ZBTB44: variants seen among roughly 807,000 people sequenced by gnomAD.
The protein encoded by ZBTB44 is zinc finger and BTB domain containing 44, also known as zinc finger and BTB domain-containing protein 44.
Under a neutral mutation model 54.0 loss-of-function variants are expected in ZBTB44, and 15 were observed. The ratio of observed to expected loss-of-function variants is 0.28; its 90% CI spans 0.19 to 0.43. The LOEUF is 0.43. Among genes scored for constraint, ZBTB44 ranks in the 20% least tolerant of loss-of-function variants. The pLI is 1.00. For missense variants in ZBTB44, 487 were observed against 707.1 expected (o/e 0.69, Z 3.53); for synonymous variants, 230 against 250.1 (o/e 0.92, Z 0.76).
intron 1 of ZBTB44, among the ~76,000 whole-genome samples, chr11:130,276,335 T>C (rs1940094877): frequency 6.6e-6 from 1 of 151,782 alleles, no homozygotes; most frequent in Non-Finnish European, 1.5e-5. Flanking sequence ...ACATATACTC[T>C]ATTGTTGCTG....
intron 1 of ZBTB44, among the ~76,000 whole-genome samples, chr11:130,280,388 G>T (rs924173517): frequency 2.0e-5 from 3 of 151,982 alleles, no homozygotes; most frequent in African/African-American, 7.2e-5. Context: ...AGCTGAACTG[G>T]ATTAACTCAT....
chr11:130,241,540 T>C (rs1026477301), intron 2 of ZBTB44, among the ~76,000 whole-genome samples: 2 of 152,210 alleles, frequency 1.3e-5, no homozygotes, highest in African/African-American at 4.8e-5. Flanking sequence ...CCTCCCTCTT[T>C]TGTGAAATGC....
intron 2 of ZBTB44, among the ~76,000 whole-genome samples, chr11:130,247,598 AGG>A (rs1235316570): frequency 1.1e-4 from 16 of 152,236 alleles, no homozygotes; most frequent in Non-Finnish European, 1.9e-4. Flanking sequence ...CGATAATGAG[AGG>A]ATGAACATAG....
At chr11:130,251,588 C>T (rs760229275) in intron 2 of ZBTB44, among the ~76,000 whole-genome samples, 10 of 152,090 alleles carry the variant, frequency 6.6e-5, no homozygotes, top group East Asian at 3.9e-4. Context: ...AGACTAACAG[C>T]GGATCTCTCT....
intron 1 of ZBTB44, among the ~76,000 whole-genome samples, chr11:130,298,455 G>GT (rs996057514): frequency 0.015 from 1,695 of 116,320 alleles, 37 homozygotes; most frequent in East Asian, 0.13. Flanking sequence ...AAAAGTTGAA[G>GT]TTTTTTTTTT....
chr11:130,272,797 C>T (rs1939774715), intron 1 of ZBTB44, among the ~76,000 whole-genome samples: 1 of 151,632 alleles, frequency 6.6e-6, no homozygotes, highest in Admixed American at 6.6e-5. Context: ...TTTAGTTGTC[C>T]CAGTACCATC....
intron 1 of ZBTB44, among the ~76,000 whole-genome samples, chr11:130,300,654 G>A (rs1034281537): frequency 1.3e-5 from 2 of 152,304 alleles, no homozygotes; most frequent in Non-Finnish European, 2.9e-5. Context: ...GGTATTTCAA[G>A]GAGTGGTGAT....
chr11:130,311,701 G>A (rs1442546632), intron 1 of ZBTB44, among the ~76,000 whole-genome samples: 3 of 152,248 alleles, frequency 2.0e-5, no homozygotes, highest in South Asian at 2.1e-4. Context: ...CAGCAGCAAC[G>A]AATATGCCAA....
At chr11:130,243,289 AT>A (rs1312864839) in intron 2 of ZBTB44, among the ~76,000 whole-genome samples, 1 of 151,932 alleles carries the variant, frequency 6.6e-6, no homozygotes, top group African/African-American at 2.4e-5. Context: ...TGCTCTGGTA[AT>A]TTTTCGACTG....
intron 5 of ZBTB44, 72 bp from the exon 6 acceptor site, chr11:130,234,345 C>T: frequency 7.1e-7 from 1 of 1,412,632 alleles, no homozygotes; most frequent in Non-Finnish European, 9.4e-7. Flanking sequence ...CAGTAAAAAG[C>T]TCTGATTTAT....
intron 2 of ZBTB44, among the ~76,000 whole-genome samples, chr11:130,258,824 T>C (rs928359727): frequency 6.6e-6 from 1 of 152,184 alleles, no homozygotes; most frequent in Non-Finnish European, 1.5e-5. Flanking sequence ...TGGCAGTTTA[T>C]AAATATACAA....
intron 2 of ZBTB44, among the ~76,000 whole-genome samples, chr11:130,246,429 TCAGA>T (rs1449124934): frequency 6.6e-6 from 1 of 152,184 alleles, no homozygotes; most frequent in African/African-American, 2.4e-5. Context: ...AGAATTCTGG[TCAGA>T]CACTTTTCAC....
At chr11:130,236,377 T>C (rs962644466) in intron 5 of ZBTB44, among the ~76,000 whole-genome samples, 4 of 152,240 alleles carry the variant, frequency 2.6e-5, no homozygotes, top group Non-Finnish European at 5.9e-5. Context: ...TTATATAGAA[T>C]ATTTTTAAAT....
intron 5 of ZBTB44, chr11:130,236,117 C>T (rs1490312713): frequency 7.8e-7 from 1 of 1,282,440 alleles, no homozygotes; most frequent in Non-Finnish European, 1.0e-6. Flanking sequence ...TACATTTTAT[C>T]TTTCTCTAAG....
intron 1 of ZBTB44, among the ~76,000 whole-genome samples, chr11:130,283,350 C>A (rs1940683588): frequency 1.3e-5 from 2 of 151,914 alleles, no homozygotes; most frequent in Non-Finnish European, 2.9e-5. Flanking sequence ...CCGGCCCATT[C>A]TAACCATTTT....
chr11:130,233,896 C>A (rs551993306), intron 6 of ZBTB44: 1 of 1,074,820 alleles, frequency 9.3e-7, no homozygotes, highest in Non-Finnish European at 1.1e-6. Context: ...CCCTCCCACC[C>A]GGCTTTTTTT....
intron 4 of ZBTB44, 112 bp downstream of exon 4, chr11:130,238,332 T>A: frequency 7.6e-7 from 1 of 1,316,558 alleles, no homozygotes; most frequent in East Asian, 2.6e-5. Flanking sequence ...TCATTTGACT[T>A]CCCAGAGTTT....
Position 130,238,519 on chromosome 11 carries a change from G to A in ZBTB44, c.1192C>T (p.Pro398Ser). The change falls in exon 4 of 8, where the codon CCT becomes TCT. Residue 398 changes from proline (P) to serine (S), a missense_variant. Coordinates refer to ENST00000357899, the MANE Select transcript of ZBTB44 (RefSeq NM_001301098.2). ...ERPSPNGPDR[P>S]FQCPTCGVRF... ...ACCCCGCAGGTTGGACACTGAAAAG[G>A]TCTGTCGGGACCATTTGGACTTGGT... 6.2e-7 allele frequency: 1 copy of A among 1,611,910 alleles called. No individual in the cohort carries two copies. Among genetic ancestry groups the A allele is most frequent in the Non-Finnish European group, 8.5e-7 (1 of 1,179,062 alleles).
At chr11:130,277,483 T>C (rs1377454482) in intron 1 of ZBTB44, among the ~76,000 whole-genome samples, 2 of 152,194 alleles carry the variant, frequency 1.3e-5, no homozygotes, top group Non-Finnish European at 2.9e-5. Context: ...TTCCCATCTG[T>C]AGTCATTTCC....
Sources: gnomAD v4.1 joint callset for allele counts (sites outside exome capture counted in the v4.1 genomes callset) on GRCh38, gnomAD v4.1.1 for gene constraint, MANE v1.5 for transcripts, NCBI Gene and HGNC (gene_info 2026-07-23, HGNC 2026-07-21) for gene names.